GRK5: variants seen among roughly 807,000 people sequenced by gnomAD.
GRK5 encodes g protein-coupled receptor kinase GRK5.
Under a neutral mutation model 78.4 loss-of-function variants are expected in GRK5, and 40 were observed. That is an observed-to-expected ratio of 0.51 (90% CI 0.40 to 0.66). GRK5 has a LOEUF of 0.66. Among genes scored for constraint, GRK5 ranks in the 30% least tolerant of loss-of-function variants. The pLI is 0.00. For synonymous variants in GRK5, 289 were observed against 296.8 expected, an observed-to-expected ratio of 0.97 and a Z score of 0.27; for missense variants, 598 against 759.9, an observed-to-expected ratio of 0.79 and a Z score of 2.50.
In GRK5 at chr10:119,342,252, C is replaced by G. The variant is rs564368556; in HGVS notation, c.148+15641C>G. On this transcript the variant is annotated intron_variant, in intron 2 of 15. Transcript: ENST00000392870. ...AGCTGGAACATCCTGAGGCATGTGG[C>G]GGGTCAGTTGGGACAAAGCCATTGA... 2.0e-5 allele frequency among the ~76,000 whole-genome samples: 3 copies of G among 152,292 alleles called. No individual in the cohort carries two copies. The South Asian group carries it at 6.2e-4, about 32-fold the overall frequency.
At chr10:119,305,063 C>A (rs1850251351) in intron 1 of GRK5, among the ~76,000 whole-genome samples, 2 of 141,782 alleles carry the variant, frequency 1.4e-5, no homozygotes, top group South Asian at 5.2e-4. Context: ...TCTGAAAAAT[C>A]TTGGGTGTCT....
At position 119,336,938 on chromosome 10, in the gene GRK5, G is replaced by A. The variant is rs1028193023; in HGVS notation, c.148+10327G>A. On this transcript the variant is annotated intron_variant, in intron 2 of 15. Transcript: ENST00000392870. This position sits in a 1 kb window ranked among gnomAD's most constrained non-coding sequence, Gnocchi z 4.5. ...GGTGTTAGTCTCACCTCCCCACTACGGCCGGAAGCTCCTTGAAAGAGAAGG... is the reference window on the plus strand; with the variant it reads ...GGTGTTAGTCTCACCTCCCCACTACAGCCGGAAGCTCCTTGAAAGAGAAGG... 3.9e-5 allele frequency among the ~76,000 whole-genome samples: 6 copies of A among 152,126 alleles called. No individual in the cohort carries two copies. Among genetic ancestry groups the A allele is most frequent in the African/African-American group, 1.2e-4 (5 of 41,422 alleles).
intron 1 of GRK5, among the ~76,000 whole-genome samples, chr10:119,288,073 G>A (rs4752274): frequency 1.8e-4 from 27 of 152,056 alleles, no homozygotes; most frequent in Non-Finnish European, 4.0e-4. Flanking sequence ...GCCCAGAGCG[G>A]GGAGGCCGTG....
chr10:119,364,800 G>A (rs913254050), intron 2 of GRK5, among the ~76,000 whole-genome samples: 5 of 152,182 alleles, frequency 3.3e-5, no homozygotes, highest in African/African-American at 1.2e-4. Flanking sequence ...AAATAAGTAA[G>A]CATAAGAGGT....
chr10:119,383,741 G>A (rs1851749891), intron 3 of GRK5, among the ~76,000 whole-genome samples: 1 of 152,186 alleles, frequency 6.6e-6, no homozygotes, highest in African/African-American at 2.4e-5. Flanking sequence ...GTCCCTGGCT[G>A]GGCTCCAGCA....
chr10:119,419,795 CT>C (rs1225656975), intron 4 of GRK5, among the ~76,000 whole-genome samples: 1 of 152,230 alleles, frequency 6.6e-6, no homozygotes, highest in Non-Finnish European at 1.5e-5. Context: ...CTTATTCCGT[CT>C]TCTATAAAGC....
intron 1 of GRK5, among the ~76,000 whole-genome samples, chr10:119,304,557 C>T (rs1403153793): frequency 1.3e-5 from 2 of 152,190 alleles, no homozygotes; most frequent in African/African-American, 4.8e-5. Context: ...TTCTTCTTCC[C>T]ATTTTGTGGA....
intron 1 of GRK5, among the ~76,000 whole-genome samples, chr10:119,288,667 C>G (rs993711904): frequency 1.3e-5 from 2 of 152,240 alleles, no homozygotes; most frequent in African/African-American, 4.8e-5. Context: ...TCTGGTTGGA[C>G]AAGCATCCCT....
intron 1 of GRK5, among the ~76,000 whole-genome samples, chr10:119,276,528 C>T (rs543871720): frequency 6.6e-6 from 1 of 152,196 alleles, no homozygotes; most frequent in East Asian, 1.9e-4. Flanking sequence ...GGTTCCAAGT[C>T]TTTGCTATTG....
chr10:119,313,154 G>A (rs111297161), intron 1 of GRK5, among the ~76,000 whole-genome samples: 59 of 150,908 alleles, frequency 3.9e-4, no homozygotes, highest in Admixed American at 4.6e-4. Flanking sequence ...TGGTGATGGT[G>A]GTGGTAATGG....
chr10:119,223,140 C>A (rs1444211744), intron 1 of GRK5, among the ~76,000 whole-genome samples: 1 of 152,196 alleles, frequency 6.6e-6, no homozygotes, highest in Non-Finnish European at 1.5e-5. Flanking sequence ...AAGACCCGTT[C>A]CAGGCCTCTC....
intron 3 of GRK5, among the ~76,000 whole-genome samples, chr10:119,394,546 G>GT (rs1564917433): frequency 0.16 from 691 of 4,276 alleles, 129 homozygotes; most frequent in Non-Finnish European, 0.21. Context: ...TCTGTGTGTG[G>GT]GGGCACGTGT....
intron 2 of GRK5, among the ~76,000 whole-genome samples, chr10:119,351,452 T>C (rs1167176906): frequency 2.0e-5 from 3 of 152,172 alleles, no homozygotes; most frequent in African/African-American, 7.2e-5. Context: ...CTGATGGTTT[T>C]ATAAGGGAAA....
At chr10:119,418,964 G>A (rs1852517504) in intron 4 of GRK5, among the ~76,000 whole-genome samples, 1 of 152,156 alleles carries the variant, frequency 6.6e-6, no homozygotes, top group South Asian at 2.1e-4. Context: ...GGGAAGCGTG[G>A]CACCCCTGAC....
At chr10:119,419,680 G>A (rs919382891) in intron 4 of GRK5, among the ~76,000 whole-genome samples, 3 of 152,206 alleles carry the variant, frequency 2.0e-5, no homozygotes, top group Non-Finnish European at 4.4e-5. Flanking sequence ...GTACACAGTT[G>A]GGTCACCTCT....
At chr10:119,276,663 T>C (rs893002446) in intron 1 of GRK5, among the ~76,000 whole-genome samples, 2 of 152,202 alleles carry the variant, frequency 1.3e-5, no homozygotes, top group African/African-American at 4.8e-5. Flanking sequence ...CTAGATCCCT[T>C]AGGAATTGCC....
intron 2 of GRK5, among the ~76,000 whole-genome samples, chr10:119,374,028 CA>C (rs1300727306): frequency 2.6e-5 from 4 of 152,080 alleles, no homozygotes; most frequent in African/African-American, 9.7e-5. Context: ...GCCTTAGAAC[CA>C]GGGGGTGAGA....
At chr10:119,277,737 C>A (rs1037074628) in intron 1 of GRK5, among the ~76,000 whole-genome samples, 3 of 152,228 alleles carry the variant, frequency 2.0e-5, no homozygotes, top group Admixed American at 6.5e-5. Context: ...TTCCTGTCCC[C>A]TGAACCCTAA....
intron 1 of GRK5, among the ~76,000 whole-genome samples, chr10:119,243,454 T>C (rs556205624): frequency 1.3e-5 from 2 of 152,356 alleles, no homozygotes; most frequent in African/African-American, 4.8e-5. Context: ...CAGCAACTGA[T>C]AGCAACTCAA....
Sources: gnomAD v4.1 joint callset for allele counts (sites outside exome capture counted in the v4.1 genomes callset) on GRCh38, gnomAD v4.1.1 for gene constraint, Gnocchi (gnomAD v3.1) non-coding constraint, MANE v1.5 for transcripts, NCBI Gene and HGNC (gene_info 2026-07-23, HGNC 2026-07-21) for gene names.